Variants in SOX9 observed in about 807,000 individuals in gnomAD.
SOX9 encodes the protein SRY-box transcription factor 9.
Under a neutral mutation model 44.8 loss-of-function variants are expected in SOX9, and 2 were observed. The observed-to-expected ratio is 0.04, with a 90% CI of 0.02 to 0.14. The LOEUF (loss-of-function observed/expected upper bound fraction) is 0.14. Among genes scored for constraint, SOX9 ranks in the 10% least tolerant of loss-of-function variants. The pLI, the probability that SOX9 is intolerant of heterozygous loss-of-function variation, is 1.00. For missense variants in SOX9, 583 were observed against 728.6 expected, an observed-to-expected ratio of 0.80 and a Z score of 2.30; for synonymous variants, 381 against 331.8, an observed-to-expected ratio of 1.15 and a Z score of -1.61.
chr17:72,123,523 T>C lies in SOX9; in HGVS notation c.686-20T>C, dbSNP rs2143249892. 1 of 1,614,024 alleles carries C rather than the reference T, an allele frequency of 6.2e-7. No homozygotes were observed. Among genetic ancestry groups the C allele is most frequent in the Non-Finnish European group, 8.5e-7 (1 of 1,179,978 alleles). On this transcript the variant is annotated intron_variant, in intron 2 of 2. Coordinates refer to ENST00000245479, the MANE Select transcript of SOX9 (RefSeq NM_000346.4). The surrounding 1 kb of genome is among the most constrained non-coding windows in gnomAD (Gnocchi z 6.5). ...CAGCCCTTGTTGATTTTCTCGTGCTTGTTCTTTTATTGTCCACAGGGCAAT... is the reference window on the plus strand; with the variant it reads ...CAGCCCTTGTTGATTTTCTCGTGCTCGTTCTTTTATTGTCCACAGGGCAAT...
rs1003179000 is a variant in SOX9, at chr17:72,126,206, G to T, written c.*1819G>T. 4.3e-6 allele frequency: 1 copy of T among 232,736 alleles called. No homozygotes were observed. Among genetic ancestry groups the T allele is most frequent in the South Asian group, 1.8e-4 (1 of 5,506 alleles). The allele number at this position is 232,736 out of a possible 1,614,324, so 14.4% of individuals were successfully genotyped here. ...GTATAAAAGCAGATCTTTTTAAAAA[G>T]ATACTTCTGTAACTTAAGAAACCTG... On this transcript the variant is annotated 3_prime_UTR_variant, in exon 3 of 3. Coordinates refer to ENST00000245479, the MANE Select transcript of SOX9 (RefSeq NM_000346.4).
Position 72,123,604 on chromosome 17 carries a change from G to A in SOX9, c.747G>A (p.Lys249=), listed in dbSNP as rs1170758830. The A allele has an allele frequency of 1.4e-6, 2 of 1,441,652 alleles. No individual in the cohort carries two copies. Among genetic ancestry groups the A allele is most frequent in the South Asian group, 1.1e-5 (1 of 89,150 alleles). The allele number at this position is 1,441,652 out of a possible 1,614,324, so 89.3% of individuals were successfully genotyped here. ...TTPKTDVQPG[K]ADLKREGRPL... ...CCAAAACCGACGTGCAGCCGGGCAA[G>A]GCTGACCTGAAGCGAGAGGGGCGCC... The change falls in exon 3 of 3, where the codon AAG becomes AAA. Residue 249 remains lysine, a synonymous_variant. Coordinates refer to ENST00000245479, the MANE Select transcript of SOX9 (RefSeq NM_000346.4). This position sits in a 1 kb window ranked among gnomAD's most constrained non-coding sequence, Gnocchi z 6.5.
Position 72,124,550 on chromosome 17 carries a change from A to C in SOX9, c.*163A>C, listed in dbSNP as rs1908225186. On this transcript the variant is annotated 3_prime_UTR_variant, in exon 3 of 3. Coordinates refer to ENST00000245479, the MANE Select transcript of SOX9 (RefSeq NM_000346.4). This position sits in a 1 kb window ranked among gnomAD's most constrained non-coding sequence, Gnocchi z 4.6. ...TCTTCCTTAAAGACATTTAAGCTAA[A>C]GGCAACTCGTACCCAAATTTCCAAG... is the stretch of plus-strand genomic sequence containing the variant. 2.1e-6 allele frequency: 2 copies of C among 937,076 alleles called. No homozygotes were observed. Among genetic ancestry groups the C allele is most frequent in the East Asian group, 5.2e-5 (2 of 38,126 alleles). The allele number at this position is 937,076 out of a possible 1,614,324, so 58.0% of individuals were successfully genotyped here.
rs1908095705 is a variant in SOX9 at position 72,121,597 on chromosome 17, T to A, written c.206T>A (p.Phe69Tyr). Residue 69 changes from phenylalanine to tyrosine, a missense_variant, in exon 1 of 3, where the codon TTC becomes TAC. By Grantham distance (22) the Phe-to-Tyr change is conservative. Coordinates refer to ENST00000245479, the MANE Select transcript of SOX9 (RefSeq NM_000346.4). This position sits in a 1 kb window ranked among gnomAD's most constrained non-coding sequence, Gnocchi z 8.3. Reference protein sequence around the residue: ...DLKKESEEDKFPVCIREAVSQ... With the variant: ...DLKKESEEDKYPVCIREAVSQ... ...AAGAAGGAGAGCGAGGAGGACAAGT[T>A]CCCCGTGTGCATCCGCGAGGCGGTC... 1 of 1,605,586 alleles carries A rather than the reference T, an allele frequency of 6.2e-7. No individual in the cohort carries two copies.
chr17:72,121,408 C>T lies in SOX9; in HGVS notation c.17C>T (p.Pro6Leu), dbSNP rs2143236201. 1.2e-6 allele frequency: 2 copies of T among 1,612,746 alleles called. No individual in the cohort carries two copies. Among genetic ancestry groups the T allele is most frequent in the East Asian group, 2.2e-5 (1 of 44,844 alleles). The change falls in exon 1 of 3, where the codon CCC becomes CTC. Residue 6 changes from proline to leucine, a missense_variant. Coordinates refer to ENST00000245479, the MANE Select transcript of SOX9 (RefSeq NM_000346.4). This position sits in a 1 kb window ranked among gnomAD's most constrained non-coding sequence, Gnocchi z 8.3. MNLLD[P>L]FMKMTDEQEK... The stretch of plus-strand genomic sequence containing the variant: ...GGCCCGCGTATGAATCTCCTGGACC[C>T]CTTCATGAAGATGACCGACGAGCAG...
chr17:72,122,997 G>C (rs755376166), intron 2 of SOX9, 25 bp downstream of exon 2: 1 of 1,609,612 alleles, frequency 6.2e-7, no homozygotes, highest in South Asian at 1.1e-5. Context: ...GACCCCACCG[G>C]ACAAGCTATC....
Position 72,122,959 on chromosome 17 carries a change from C to T in SOX9, c.672C>T (p.Pro224=), listed in dbSNP as rs751227043. The T allele has an allele frequency of 5.6e-6, 9 of 1,613,412 alleles. No individual in the cohort carries two copies. Among genetic ancestry groups the T allele is most frequent in the Admixed American group, 1.7e-5 (1 of 60,002 alleles). Residue 224 remains proline, a synonymous_variant, in exon 2 of 3, where the codon CCC becomes CCT. Transcript: ENST00000245479. ...SSSGMSEVHS[P]GEHSGQSQGP... ...CCGGCATGAGCGAGGTGCACTCCCC[C>T]GGCGAGCACTCGGGTGAGTCGCCCC...
rs2143253247 is a variant in SOX9, at chr17:72,123,871, G to A, written c.1014G>A (p.Lys338=). ...PASAGHVWMS[K]QQAPPPPPQQ... ...GCGCGGGCCACGTGTGGATGTCCAA[G>A]CAGCAGGCGCCGCCGCCACCCCCGC... is the stretch of plus-strand genomic sequence containing the variant. The change falls in exon 3 of 3, where the codon AAG becomes AAA. Residue 338 remains lysine, a synonymous_variant. Coordinates refer to ENST00000245479, the MANE Select transcript of SOX9 (RefSeq NM_000346.4). The surrounding 1 kb of genome is among the most constrained non-coding windows in gnomAD (Gnocchi z 6.5). 6.5e-7 allele frequency: 1 copy of A among 1,534,118 alleles called. No homozygotes were observed. The highest frequency in any genetic ancestry group is 8.8e-7 in the Non-Finnish European group (1 of 1,142,466).
In SOX9 at chr17:72,121,499, G is replaced by T; in HGVS notation, c.108G>T (p.Pro36=). 1 of 1,610,148 alleles carries T rather than the reference G, an allele frequency of 6.2e-7. No homozygotes were observed. Among genetic ancestry groups the T allele is most frequent in the Non-Finnish European group, 8.5e-7 (1 of 1,178,878 alleles). The change falls in exon 1 of 3, where the codon CCG becomes CCT. Residue 36 remains proline, a synonymous_variant. Transcript: ENST00000245479. The surrounding 1 kb of genome is among the most constrained non-coding windows in gnomAD (Gnocchi z 8.3). ...MSEDSAGSPC[P]SGSGSDTENT... ...AGGACTCCGCGGGCTCGCCCTGCCC[G>T]TCGGGCTCCGGCTCGGACACCGAGA... is the stretch of plus-strand genomic sequence containing the variant.
Position 72,123,465 on chromosome 17 carries a change from C to T in SOX9, c.686-78C>T. ...TTACACTTTAGCAGCGAGGGAGGGT[C>T]CCCGGAGGGTGCCTAAGACTAGGGC... is the stretch of plus-strand genomic sequence containing the variant. On this transcript the variant is annotated intron_variant, in intron 2 of 2. Transcript: ENST00000245479. This position sits in a 1 kb window ranked among gnomAD's most constrained non-coding sequence, Gnocchi z 6.5. 1 of 1,592,680 alleles carries T rather than the reference C, an allele frequency of 6.3e-7. No homozygotes were observed. The highest frequency in any genetic ancestry group is 8.6e-7 in the Non-Finnish European group (1 of 1,162,368).
chr17:72,124,134 C>A lies in SOX9; in HGVS notation c.1277C>A (p.Pro426Gln), dbSNP rs2143256214. ...ATCGCCTACAGCCCCTTCAACCTCC[C>A]ACACTACAGCCCCTCCTACCCGCCC... The part of the protein sequence containing the change: ...QQIAYSPFNL[P>Q]HYSPSYPPIT... The change falls in exon 3 of 3, where the codon CCA becomes CAA. Residue 426 changes from proline to glutamine, a missense_variant. Physicochemically the swap from Pro to Gln is moderately conservative, Grantham distance 76. Around this residue, in one of 7 missense-constraint regions of SOX9, gnomAD observed 349 missense variants for 387.0 expected, o/e 0.90. Transcript: ENST00000245479. The surrounding 1 kb of genome is among the most constrained non-coding windows in gnomAD (Gnocchi z 4.6). The A allele has an allele frequency of 6.2e-7, 1 of 1,613,896 alleles. No homozygotes were observed. The highest frequency in any genetic ancestry group is 8.5e-7 in the Non-Finnish European group (1 of 1,180,028).
chr17:72,123,405 GTGCAGCGCGCCTCT>G lies in SOX9; in HGVS notation c.686-134_686-121del. 8.4e-7 allele frequency: 1 copy of G among 1,192,836 alleles called. No individual in the cohort carries two copies. Among genetic ancestry groups the G allele is most frequent in the Non-Finnish European group, 1.2e-6 (1 of 824,272 alleles). 73.9% of individuals were successfully genotyped at this position (1,192,836 alleles called of 1,614,324 possible). A position where few individuals can be genotyped will look rare whatever the true frequency, so the allele number is the denominator to read the frequency against. The stretch of plus-strand genomic sequence containing the variant: ...TTAATCATTGGGCGACTTATCTCCG[GTGCAGCGCGCCTCT>G]TGCGCGGGTGCGGGCCCTTATTACA... On this transcript the variant is annotated intron_variant, in intron 2 of 2. Transcript: ENST00000245479. The surrounding 1 kb of genome is among the most constrained non-coding windows in gnomAD (Gnocchi z 6.5).
At position 72,123,011 on chromosome 17, in the gene SOX9, G is replaced by T. The variant is rs772536082; in HGVS notation, c.685+39G>T. Reference sequence around the variant, plus strand: ...CGACCCCACCGGACAAGCTATCTCCGTCCCGCCTGGCACACCCCCTGCCCT... The same window carrying T: ...CGACCCCACCGGACAAGCTATCTCCTTCCCGCCTGGCACACCCCCTGCCCT... On this transcript the variant is annotated intron_variant, in intron 2 of 2. Coordinates refer to ENST00000245479, the MANE Select transcript of SOX9 (RefSeq NM_000346.4). The surrounding 1 kb of genome is among the most constrained non-coding windows in gnomAD (Gnocchi z 6.5). 6.2e-6 allele frequency: 10 copies of T among 1,605,776 alleles called. No individual in the cohort carries two copies. The highest frequency in any genetic ancestry group is 4.2e-6 in the Non-Finnish European group (5 of 1,179,102).
rs529025608 is a variant in SOX9, at chr17:72,126,099, T to TA, written c.*1712_*1713insA. The TA allele has an allele frequency of 1.3e-5, 3 of 232,350 alleles. No individual in the cohort carries two copies. Among genetic ancestry groups the TA allele is most frequent in the African/African-American group, 6.6e-5 (3 of 45,380 alleles). 14.4% of individuals were successfully genotyped at this position (232,350 alleles called of 1,614,324 possible). On this transcript the variant is annotated 3_prime_UTR_variant, in exon 3 of 3. Transcript: ENST00000245479. ...AAAGACAGCAAACTTTTTTTTTTAT[T>TA]TAAAAAAAGATATATTAACAGTTTT...
In SOX9 at chr17:72,123,021, G is replaced by T. The variant is rs2143247942; in HGVS notation, c.685+49G>T. On this transcript the variant is annotated intron_variant, in intron 2 of 2. Coordinates refer to ENST00000245479, the MANE Select transcript of SOX9 (RefSeq NM_000346.4). The surrounding 1 kb of genome is among the most constrained non-coding windows in gnomAD (Gnocchi z 6.5). ...GGACAAGCTATCTCCGTCCCGCCTG[G>T]CACACCCCCTGCCCTCCGCCTGGGA... 11 of 1,601,870 alleles carry T rather than the reference G, an allele frequency of 6.9e-6. No homozygotes were observed. Among genetic ancestry groups the T allele is most frequent in the East Asian group, 2.2e-5 (1 of 44,802 alleles).
At position 72,123,534 on chromosome 17, in the gene SOX9, TG is replaced by T. The variant is rs564339518; in HGVS notation, c.686-8del. On this transcript the variant is annotated splice_polypyrimidine_tract_variant and splice_region_variant and intron_variant, in intron 2 of 2. Transcript: ENST00000245479. The surrounding 1 kb of genome is among the most constrained non-coding windows in gnomAD (Gnocchi z 6.5). Reference sequence around the variant, plus strand: ...GATTTTCTCGTGCTTGTTCTTTTATTGTCCACAGGGCAATCCCAGGGCCCAC... The same window carrying T: ...GATTTTCTCGTGCTTGTTCTTTTATTTCCACAGGGCAATCCCAGGGCCCAC... 157 of 1,614,142 alleles carry T rather than the reference TG, an allele frequency of 9.7e-5. No individual in the cohort carries two copies. The African/African-American group carries it at 2.0e-3, about 21-fold the overall frequency.
Position 72,121,520 on chromosome 17 carries a change from C to CGAGAACACGCGGCCCCAG in SOX9, c.139_156dup (p.Arg47_Thr52dup), listed in dbSNP as rs1567910134. On this transcript the variant is annotated inframe_insertion, in exon 1 of 3. Transcript: ENST00000245479. The surrounding 1 kb of genome is among the most constrained non-coding windows in gnomAD (Gnocchi z 8.3). Reference sequence around the variant, plus strand: ...GCCCGTCGGGCTCCGGCTCGGACACCGAGAACACGCGGCCCCAGGAGAACA... The same window carrying CGAGAACACGCGGCCCCAG: ...GCCCGTCGGGCTCCGGCTCGGACACCGAGAACACGCGGCCCCAGGAGAACACGCGGCCCCAGGAGAACA... 4 of 1,609,170 alleles carry CGAGAACACGCGGCCCCAG rather than the reference C, an allele frequency of 2.5e-6. No individual in the cohort carries two copies. The highest frequency in any genetic ancestry group is 1.3e-5 in the African/African-American group (1 of 74,996).
chr17:72,124,354 A>G lies in SOX9; in HGVS notation c.1497A>G (p.Glu499=), dbSNP rs2143258839. 1 of 1,600,972 alleles carries G rather than the reference A, an allele frequency of 6.2e-7. No individual in the cohort carries two copies. Residue 499 remains glutamate, a synonymous_variant, in exon 3 of 3, where the codon GAA becomes GAG. Transcript: ENST00000245479. This position sits in a 1 kb window ranked among gnomAD's most constrained non-coding sequence, Gnocchi z 4.6. ...AGACCCACAGCCCCCAGCACTGGGA[A>G]CAACCCGTCTACACACAGCTCACTC... The part of the protein sequence containing the change: ...IPQTHSPQHW[E]QPVYTQLTRP
In SOX9 at chr17:72,121,931, C is replaced by A; in HGVS notation, c.431+109C>A. On this transcript the variant is annotated intron_variant, in intron 1 of 2. Transcript: ENST00000245479. This position sits in a 1 kb window ranked among gnomAD's most constrained non-coding sequence, Gnocchi z 8.3. ...CTCCCATCGCCCGGGAGTTGCCGTT[C>A]CGGGAGCCGGCGGGATGGGGTTGGG... is the stretch of plus-strand genomic sequence containing the variant. 3 of 1,346,184 alleles carry A rather than the reference C, an allele frequency of 2.2e-6. No homozygotes were observed. Among genetic ancestry groups the A allele is most frequent in the South Asian group, 1.5e-5 (1 of 66,116 alleles). The allele number at this position is 1,346,184 out of a possible 1,614,324, so 83.4% of individuals were successfully genotyped here. A position where few individuals can be genotyped will look rare whatever the true frequency, so the allele number is the denominator to read the frequency against.
Sources: allele counts gnomAD v4.1 joint callset, GRCh38; gene constraint gnomAD v4.1.1; regional missense constraint gnomAD v4.1.1; non-coding constraint Gnocchi (gnomAD v3.1); transcripts MANE v1.5; gene names NCBI Gene and HGNC (gene_info 2026-07-23, HGNC 2026-07-21).